Variants in PDE1C observed in about 807,000 individuals in gnomAD.
PDE1C encodes the protein phosphodiesterase 1C.
In PDE1C, 62 loss-of-function variants were observed where a neutral mutation model predicts 93.1. The observed-to-expected ratio is 0.67, with a 90% CI of 0.54 to 0.82. The LOEUF is 0.82. Ranked by LOEUF, PDE1C falls within the 40% of genes least tolerant of loss-of-function variation. The pLI, the probability that PDE1C is intolerant of heterozygous loss-of-function variation, is 0.00. For missense variants in PDE1C, 742 were observed against 884.6 expected, an observed-to-expected ratio of 0.84 and a Z score of 2.04; for synonymous variants, 325 against 310.1, an observed-to-expected ratio of 1.05 and a Z score of -0.50.
intron 1 of PDE1C, among the ~76,000 whole-genome samples, chr7:32,376,116 C>T (rs1784427988): frequency 6.6e-6 from 1 of 151,914 alleles, no homozygotes; most frequent in Non-Finnish European, 1.5e-5. Flanking sequence ...AAGATCATGC[C>T]ACTGCACTCC....
chr7:31,945,775 T>C (rs906189049), intron 2 of PDE1C, among the ~76,000 whole-genome samples: 5 of 152,196 alleles, frequency 3.3e-5, no homozygotes, highest in Admixed American at 1.3e-4. Context: ...CTCCATTCTC[T>C]TTCCTCTCCT....
the PDE1C span, among the ~76,000 whole-genome samples, chr7:31,635,932 AAAT>A: frequency 6.6e-6 from 1 of 152,098 alleles, no homozygotes; most frequent in African/African-American, 2.4e-5. Context: ...CTGGAACTTA[AAAT>A]AATTTTTTTT....
intron 2 of PDE1C, among the ~76,000 whole-genome samples, chr7:31,943,125 C>A (rs1806075466): frequency 6.6e-6 from 1 of 152,080 alleles, no homozygotes; most frequent in African/African-American, 2.4e-5. Context: ...GGCCATCCCC[C>A]AAAAAGACCT....
At chr7:32,177,143 G>T (rs1346775939) in intron 2 of PDE1C, among the ~76,000 whole-genome samples, 16 of 152,174 alleles carry the variant, frequency 1.1e-4, no homozygotes, top group African/African-American at 3.9e-4. Context: ...GAGAAAAAAG[G>T]CCTTGCTCAG....
chr7:32,336,648 G>A (rs1255362694), intron 1 of PDE1C, among the ~76,000 whole-genome samples: 2 of 152,148 alleles, frequency 1.3e-5, no homozygotes, highest in African/African-American at 4.8e-5. Flanking sequence ...AAAACCAGAT[G>A]ATCAAAGATT....
chr7:32,134,925 TA>T, intron 3 of PDE1C, among the ~76,000 whole-genome samples: 1 of 152,048 alleles, frequency 6.6e-6, no homozygotes, highest in East Asian at 1.9e-4. Flanking sequence ...TAATGTGTAA[TA>T]AATAAATAAA....
chr7:32,316,606 G>A (rs1428164975), intron 1 of PDE1C, among the ~76,000 whole-genome samples: 1 of 152,162 alleles, frequency 6.6e-6, no homozygotes, highest in Non-Finnish European at 1.5e-5. Context: ...CATGTGTGGG[G>A]AAAGCACAAA....
At chr7:31,658,347 AAAATC>A in the PDE1C span, 2 of 1,523,060 alleles carry the variant, frequency 1.3e-6, no homozygotes, top group African/African-American at 1.4e-5. Flanking sequence ...ATGAAAAAAT[AAAATC>A]AAAAGACTTT....
chr7:31,807,000 G>A (rs1431949829), intron 16 of PDE1C, among the ~76,000 whole-genome samples: 1 of 151,820 alleles, frequency 6.6e-6, no homozygotes, highest in East Asian at 1.9e-4. Context: ...AAGGATAGGT[G>A]GGACTCATCA....
At chr7:31,671,899 T>C in the PDE1C span, among the ~76,000 whole-genome samples, 1 of 152,332 alleles carries the variant, frequency 6.6e-6, no homozygotes. Context: ...CTCTCTCACC[T>C]AGCTTTTCCT....
chr7:32,279,872 G>A (rs944530306), intron 1 of PDE1C, among the ~76,000 whole-genome samples: 3 of 152,144 alleles, frequency 2.0e-5, no homozygotes. Context: ...CTGATGAAAA[G>A]TGTAAACATT....
chr7:32,318,849 G>A (rs962651666), intron 1 of PDE1C, among the ~76,000 whole-genome samples: 2 of 152,200 alleles, frequency 1.3e-5, no homozygotes, highest in African/African-American at 4.8e-5. Flanking sequence ...CTCACTTCCT[G>A]GCTGGGGCTC....
chr7:32,132,004 T>G (rs530047077), intron 3 of PDE1C, among the ~76,000 whole-genome samples: 2 of 152,258 alleles, frequency 1.3e-5, no homozygotes, highest in African/African-American at 2.4e-5. Context: ...AGACAATGAT[T>G]GTTAAATCAT....
chr7:32,238,553 T>C (rs545317223), intron 1 of PDE1C, among the ~76,000 whole-genome samples: 31 of 152,234 alleles, frequency 2.0e-4, no homozygotes, highest in Non-Finnish European at 3.7e-4. Context: ...AAGCTTGTTC[T>C]AAAATTTGTA....
chr7:31,687,666 C>G, the PDE1C span, among the ~76,000 whole-genome samples: 1 of 152,226 alleles, frequency 6.6e-6, no homozygotes, highest in African/African-American at 2.4e-5. Context: ...AAGTCAGTCT[C>G]TCCTCCAGGA....
chr7:31,938,793 A>G (rs1024386646), intron 2 of PDE1C, among the ~76,000 whole-genome samples: 8 of 152,180 alleles, frequency 5.3e-5, no homozygotes, highest in Admixed American at 5.2e-4. Flanking sequence ...CATAGCTCCT[A>G]GCACATAAAA....
At chr7:31,844,218 A>G (rs1792263355) in intron 9 of PDE1C, among the ~76,000 whole-genome samples, 1 of 151,754 alleles carries the variant, frequency 6.6e-6, no homozygotes, top group Admixed American at 6.6e-5. Flanking sequence ...TTTTCCTTCC[A>G]ATAAATATTT....
chr7:31,877,575 A>G (rs1796746204), intron 5 of PDE1C, among the ~76,000 whole-genome samples: 1 of 151,548 alleles, frequency 6.6e-6, no homozygotes, highest in Admixed American at 6.6e-5. Flanking sequence ...TTCTTCATCT[A>G]TAAAATGGAC....
chr7:31,827,996 T>C (rs968180155), intron 12 of PDE1C, among the ~76,000 whole-genome samples: 18 of 152,134 alleles, frequency 1.2e-4, no homozygotes, highest in African/African-American at 4.3e-4. Flanking sequence ...TGGAGTAGAA[T>C]GGGCTTCCTG....
Sources: gnomAD v4.1 joint callset for allele counts (sites outside exome capture counted in the v4.1 genomes callset) on GRCh38, gnomAD v4.1.1 for gene constraint, MANE v1.5 for transcripts, NCBI Gene and HGNC (gene_info 2026-07-23, HGNC 2026-07-21) for gene names.